Variants in C7orf78 observed in about 807,000 individuals in gnomAD.
The protein encoded by C7orf78 is chromosome 7 open reading frame 78.
chr7:12,488,542 A>G, the C7orf78 span, among the ~76,000 whole-genome samples: 3 of 152,114 alleles, frequency 2.0e-5, no homozygotes, highest in Non-Finnish European at 4.4e-5. Flanking sequence ...GCCTGAATCC[A>G]GGATTTCAGA....
chr7:12,495,454 A>G, the C7orf78 span, among the ~76,000 whole-genome samples: 1 of 152,174 alleles, frequency 6.6e-6, no homozygotes, highest in Non-Finnish European at 1.5e-5. Flanking sequence ...GGCTTTATGA[A>G]CCTGAATTTA....
the C7orf78 span, among the ~76,000 whole-genome samples, chr7:12,526,128 G>A: frequency 6.6e-6 from 1 of 152,158 alleles, no homozygotes; most frequent in South Asian, 2.1e-4. Context: ...AATGTCTCAT[G>A]TATAGAGAAT....
At chr7:12,539,995 G>C in the C7orf78 span, among the ~76,000 whole-genome samples, 1 of 152,168 alleles carries the variant, frequency 6.6e-6, no homozygotes, top group South Asian at 2.1e-4. Flanking sequence ...TAAGCTTCAA[G>C]CTTTAAGAAC....
At chr7:12,526,529 T>C in the C7orf78 span, among the ~76,000 whole-genome samples, 74,966 of 151,972 alleles carry the variant, frequency 0.49, 18,725 homozygotes, top group Middle Eastern at 0.58. Context: ...ACAGTGTTTG[T>C]CTCTGGATAG....
At chr7:12,532,982 T>C in the C7orf78 span, among the ~76,000 whole-genome samples, 1 of 152,178 alleles carries the variant, frequency 6.6e-6, no homozygotes, top group African/African-American at 2.4e-5. Context: ...GTCATCCTAC[T>C]AATGATTTAG....
the C7orf78 span, among the ~76,000 whole-genome samples, chr7:12,533,580 G>A: frequency 4.7e-3 from 682 of 145,100 alleles, 2 homozygotes; most frequent in Non-Finnish European, 7.5e-3. Context: ...GCAGTGGTAC[G>A]ATCTCAGTTC....
At chr7:12,538,915 A>G in the C7orf78 span, among the ~76,000 whole-genome samples, 6 of 152,108 alleles carry the variant, frequency 3.9e-5, no homozygotes, top group Admixed American at 3.9e-4. Context: ...CTCCTCTACC[A>G]GGAGCTCCCC....
At chr7:12,512,894 T>C in the C7orf78 span, among the ~76,000 whole-genome samples, 1 of 152,154 alleles carries the variant, frequency 6.6e-6, no homozygotes, top group Non-Finnish European at 1.5e-5. Flanking sequence ...CCTGATTTAA[T>C]TTTAGTCGGT....
chr7:12,495,921 CAA>C, the C7orf78 span, among the ~76,000 whole-genome samples: 1 of 150,478 alleles, frequency 6.6e-6, no homozygotes, highest in South Asian at 2.1e-4. Context: ...CTGAGAAACT[CAA>C]AAAAAATTTT....
chr7:12,490,637 C>G, the C7orf78 span, among the ~76,000 whole-genome samples: 2 of 152,122 alleles, frequency 1.3e-5, no homozygotes, highest in East Asian at 3.9e-4. Flanking sequence ...AAAGAGCTAT[C>G]TTTGAGACTG....
At chr7:12,500,639 T>G in the C7orf78 span, among the ~76,000 whole-genome samples, 91 of 152,154 alleles carry the variant, frequency 6.0e-4, no homozygotes, top group Middle Eastern at 3.4e-3. Flanking sequence ...ACAGCCGAAT[T>G]CTACCAGAGG....
At chr7:12,498,270 A>T in the C7orf78 span, among the ~76,000 whole-genome samples, 2 of 152,076 alleles carry the variant, frequency 1.3e-5, no homozygotes, top group African/African-American at 4.8e-5. Context: ...AAGGCTTCGG[A>T]CGATCAAATT....
the C7orf78 span, among the ~76,000 whole-genome samples, chr7:12,492,758 G>A: frequency 2.0e-4 from 30 of 152,286 alleles, no homozygotes; most frequent in African/African-American, 7.0e-4. Context: ...CAAATGCCTT[G>A]AAGTCAAAAG....
chr7:12,526,369 G>C, the C7orf78 span, among the ~76,000 whole-genome samples: 1 of 152,050 alleles, frequency 6.6e-6, no homozygotes, highest in Non-Finnish European at 1.5e-5. Context: ...ACACATGCAT[G>C]CTATAATTAC....
the C7orf78 span, among the ~76,000 whole-genome samples, chr7:12,529,715 T>G: frequency 6.6e-6 from 1 of 152,122 alleles, no homozygotes; most frequent in Admixed American, 6.5e-5. Flanking sequence ...ATAAGTAGAT[T>G]TGATGCATGG....
chr7:12,488,186 A>AT, the C7orf78 span, among the ~76,000 whole-genome samples: 4 of 152,044 alleles, frequency 2.6e-5, no homozygotes, highest in African/African-American at 9.7e-5. Flanking sequence ...GAAATATGTT[A>AT]TTTTCATAAA....
chr7:12,498,094 C>T, the C7orf78 span, among the ~76,000 whole-genome samples: 2 of 151,194 alleles, frequency 1.3e-5, no homozygotes, highest in Non-Finnish European at 2.9e-5. Flanking sequence ...ACATCACCAT[C>T]ATCAAAGACC....
At chr7:12,491,545 G>C in the C7orf78 span, 8 of 151,998 alleles carry the variant, frequency 5.3e-5, no homozygotes, top group African/African-American at 1.9e-4. Flanking sequence ...TGTGTGTCGA[G>C]GTAGATTACG....
the C7orf78 span, among the ~76,000 whole-genome samples, chr7:12,534,269 G>A: frequency 0.25 from 37,417 of 151,886 alleles, 5,010 homozygotes; most frequent in South Asian, 0.35. Context: ...AAAATTTTCC[G>A]TAATTTAAGA....
Sources: allele counts gnomAD v4.1 joint callset (sites outside exome capture counted in the v4.1 genomes callset), GRCh38; gene constraint gnomAD v4.1.1; transcripts MANE v1.5; gene names NCBI Gene and HGNC (gene_info 2026-07-23, HGNC 2026-07-21).